ENO4: variants seen among roughly 807,000 people sequenced by gnomAD.
The protein encoded by ENO4 is enolase 4, also known as 2-phospho-D-glycerate hydro-lyase.
ENO4 carries 53 observed loss-of-function variants against 63.2 expected under a neutral mutation model. The observed-to-expected ratio is 0.84, with a 90% CI of 0.67 to 1.05. ENO4 has a LOEUF of 1.05. ENO4 is among the 50% of genes least tolerant of loss of function. The pLI, the probability that ENO4 is intolerant of heterozygous loss-of-function variation, is 0.00. For synonymous variants in ENO4, 266 were observed against 283.8 expected (o/e 0.94, Z 0.63); for missense variants, 719 against 772.0 (o/e 0.93, Z 0.81).
chr10:116,856,550 A>T lies in ENO4; in HGVS notation c.353A>T (p.Glu118Val). The part of the protein sequence containing the change: ...HFEVHENALP[E>V]LAKAEEAERA... ...GAAGTCCATGAGAATGCTCTGCCCGAGCTGGCCAAGGCGGAGGAGGCAGAG... is the reference window on the plus strand; with the variant it reads ...GAAGTCCATGAGAATGCTCTGCCCGTGCTGGCCAAGGCGGAGGAGGCAGAG... Residue 118 changes from glutamate to valine, a missense_variant, in exon 3 of 14, where the codon GAG becomes GTG. By Grantham distance (121) the Glu-to-Val change is moderately radical (BLOSUM62 -2). This residue lies in a region of ENO4 where 544 missense variants were observed against 583.6 expected (regional missense o/e 0.93). Coordinates refer to ENST00000341276, the MANE Select transcript of ENO4 (RefSeq NM_001242699.2). 2 of 1,536,168 alleles carry T rather than the reference A, an allele frequency of 1.3e-6. No individual in the cohort carries two copies. Among genetic ancestry groups the T allele is most frequent in the Non-Finnish European group, 1.7e-6 (2 of 1,146,926 alleles).
chr10:116,875,427 C>T (rs556138739), intron 10 of ENO4, among the ~76,000 whole-genome samples: 7 of 152,046 alleles, frequency 4.6e-5, no homozygotes, highest in Non-Finnish European at 1.0e-4. Flanking sequence ...CTCACTGCAG[C>T]CTTGACCTCC....
At chr10:116,871,011 C>G in intron 8 of ENO4, 114 bp from the exon 9 acceptor site, 1 of 873,308 alleles carries the variant, frequency 1.1e-6, no homozygotes, top group Non-Finnish European at 1.7e-6. Context: ...GATTGAGAAT[C>G]AAAGGACTGA....
chr10:116,875,781 G>A (rs1261163193), intron 10 of ENO4, among the ~76,000 whole-genome samples: 1 of 152,152 alleles, frequency 6.6e-6, no homozygotes, highest in Non-Finnish European at 1.5e-5. Context: ...GATGGGAATA[G>A]CCTGGGTCTG....
chr10:116,890,442 G>A (rs1029259012), intron 10 of ENO4, among the ~76,000 whole-genome samples: 2 of 152,148 alleles, frequency 1.3e-5, no homozygotes, highest in Admixed American at 6.5e-5. Context: ...CTTGTTAACA[G>A]CAGACACAGG....
intron 10 of ENO4, chr10:116,900,728 T>C (rs1847701178): frequency 1.0e-6 from 1 of 983,868 alleles, no homozygotes; most frequent in African/African-American, 1.7e-5. Flanking sequence ...ATCATCTTTC[T>C]GTTAGAACTG....
chr10:116,907,380 A>G (rs1031459187), intron 10 of ENO4, among the ~76,000 whole-genome samples: 1 of 152,156 alleles, frequency 6.6e-6, no homozygotes, highest in African/African-American at 2.4e-5. Flanking sequence ...CATTCCTAAC[A>G]CAGGAGACAG....
Position 116,860,820 on chromosome 10 carries a change from C to G in ENO4, c.661C>G (p.Pro221Ala). 2 of 1,532,526 alleles carry G rather than the reference C, an allele frequency of 1.3e-6. No homozygotes were observed. The highest frequency in any genetic ancestry group is 4.9e-5 in the East Asian group (2 of 40,618). 94.9% of individuals were successfully genotyped at this position (1,532,526 alleles called of 1,614,324 possible). A position where few individuals can be genotyped will look rare whatever the true frequency, so the allele number is the denominator to read the frequency against. ...PGRKDTITEK[P>A]IAPAEPVEPV... ...GAGGAAGGATACTATTACAGAGAAA[C>G]CTATTGCGCCTGCAGAGCCTGTTGA... is the stretch of plus-strand genomic sequence containing the variant. The change falls in exon 5 of 14, where the codon CCT becomes GCT. Residue 221 changes from proline to alanine, a missense_variant. By Grantham distance (27) the Pro-to-Ala change is conservative. This residue lies in a region of ENO4 where 544 missense variants were observed against 583.6 expected (regional missense o/e 0.93). Transcript: ENST00000341276.
chr10:116,899,414 A>T (rs1321352615), intron 10 of ENO4, among the ~76,000 whole-genome samples: 2 of 151,984 alleles, frequency 1.3e-5, no homozygotes, highest in Admixed American at 6.6e-5. Context: ...CTTAGAGAAG[A>T]CCATACTAGG....
At chr10:116,875,006 T>C (rs182115045) in intron 10 of ENO4, among the ~76,000 whole-genome samples, 4 of 152,304 alleles carry the variant, frequency 2.6e-5, no homozygotes, top group Non-Finnish European at 4.4e-5. Context: ...GTTTGAGATA[T>C]TGAGGTTTTA....
downstream of ENO4, among the ~76,000 whole-genome samples, chr10:116,887,556 C>T (rs1469323607): frequency 6.6e-6 from 1 of 152,180 alleles, no homozygotes; most frequent in East Asian, 1.9e-4. Flanking sequence ...AGTGCCTGCC[C>T]ACTGCTCTAC....
chr10:116,907,692 G>A (rs891617047), intron 10 of ENO4, among the ~76,000 whole-genome samples: 1 of 152,152 alleles, frequency 6.6e-6, no homozygotes, highest in Non-Finnish European at 1.5e-5. Context: ...CTTCTCAACT[G>A]TGCCACATAC....
chr10:116,901,687 A>C (rs950677133), intron 10 of ENO4: 2 of 1,404,658 alleles, frequency 1.4e-6, no homozygotes, highest in Non-Finnish European at 1.9e-6. Flanking sequence ...TCTCTAAAGG[A>C]AACAAATCAA....
intron 8 of ENO4, among the ~76,000 whole-genome samples, chr10:116,870,058 C>G (rs553284373): frequency 1.5e-4 from 23 of 152,214 alleles, no homozygotes; most frequent in Non-Finnish European, 2.9e-4. Context: ...CAAAAATTTC[C>G]CCAACTATTG....
intron 10 of ENO4, among the ~76,000 whole-genome samples, chr10:116,908,891 C>T (rs1049081599): frequency 3.9e-5 from 6 of 152,162 alleles, no homozygotes; most frequent in Admixed American, 1.3e-4. Context: ...TCTCCATTTA[C>T]TGATGGATGT....
chr10:116,880,793 A>G (rs1268373823), intron 13 of ENO4, among the ~76,000 whole-genome samples: 1 of 152,186 alleles, frequency 6.6e-6, no homozygotes, highest in Admixed American at 6.6e-5. Flanking sequence ...ACTGTTCCAC[A>G]TATCTGATTA....
At chr10:116,861,560 TTAAG>T (rs1846416168) in intron 6 of ENO4, among the ~76,000 whole-genome samples, 1 of 152,180 alleles carries the variant, frequency 6.6e-6, no homozygotes, top group Non-Finnish European at 1.5e-5. Flanking sequence ...GCCCACTCTG[TTAAG>T]TAAGAACTCC....
Position 116,879,289 on chromosome 10 carries a change from A to G in ENO4, c.1538-2A>G, listed in dbSNP as rs1197645142. 1 of 1,547,046 alleles carries G rather than the reference A, an allele frequency of 6.5e-7. No individual in the cohort carries two copies. Among genetic ancestry groups the G allele is most frequent in the Non-Finnish European group, 8.7e-7 (1 of 1,144,726 alleles). Reference sequence around the variant, plus strand: ...TAAAACTGAAAGAAATTCCTCTTCCAGGTAAGAAGCACATCACTGTCTTTG... The same window carrying G: ...TAAAACTGAAAGAAATTCCTCTTCCGGGTAAGAAGCACATCACTGTCTTTG... On this transcript the variant is annotated splice_acceptor_variant, in intron 11 of 13. Transcript: ENST00000341276. LOFTEE classifies it high-confidence loss of function.
chr10:116,865,763 G>A (rs553851698), intron 7 of ENO4, among the ~76,000 whole-genome samples: 38 of 152,256 alleles, frequency 2.5e-4, no homozygotes, highest in African/African-American at 8.9e-4. Context: ...TGTACAGGGC[G>A]GCCCCCACAG....
intron 12 of ENO4, 126 bp from the exon 13 acceptor site, chr10:116,879,742 AT>A: frequency 1.4e-6 from 1 of 731,994 alleles, no homozygotes; most frequent in Non-Finnish European, 2.3e-6. Context: ...TTACATAAAG[AT>A]AAAAAACTAG....
Sources: allele counts gnomAD v4.1 joint callset (sites outside exome capture counted in the v4.1 genomes callset), GRCh38; gene constraint gnomAD v4.1.1; regional missense constraint gnomAD v4.1.1; transcripts MANE v1.5; gene names NCBI Gene and HGNC (gene_info 2026-07-23, HGNC 2026-07-21).